Variants in ANKH observed in about 807,000 individuals in gnomAD.
ANKH encodes the protein ANKH inorganic pyrophosphate transport regulator, also known as mineralization regulator ANKH.
In ANKH, 15 loss-of-function variants were observed where a neutral mutation model predicts 49.0. That is an observed-to-expected ratio of 0.31 (90% CI 0.20 to 0.47). The LOEUF is 0.47. Ranked by LOEUF, ANKH falls within the 20% of genes least tolerant of loss-of-function variation. The probability of loss-of-function intolerance (pLI) is 1.00; values close to 1 mark genes in which losing one functional copy is unlikely to be tolerated. For synonymous variants in ANKH, 273 were observed against 260.0 expected (o/e 1.05, Z -0.48); for missense variants, 429 against 652.0 (o/e 0.66, Z 3.72).
At chr5:14,831,837 C>T (rs758271054) in intron 1 of ANKH, among the ~76,000 whole-genome samples, 1 of 152,160 alleles carries the variant, frequency 6.6e-6, no homozygotes. Flanking sequence ...AGTTACCAAA[C>T]CATGGAGTAT....
intron 8 of ANKH, among the ~76,000 whole-genome samples, chr5:14,724,397 T>C (rs777979856): frequency 2.6e-5 from 4 of 152,202 alleles, no homozygotes; most frequent in Non-Finnish European, 5.9e-5. Context: ...CGTCATTCTG[T>C]GTTGGGGCAG....
intron 8 of ANKH, among the ~76,000 whole-genome samples, chr5:14,720,091 A>G (rs1737612898): frequency 6.6e-6 from 1 of 152,052 alleles, no homozygotes; most frequent in South Asian, 2.1e-4. Context: ...TCTATTTACT[A>G]TGTCATGTTG....
At chr5:14,851,297 A>C (rs1272947913) in intron 1 of ANKH, among the ~76,000 whole-genome samples, 2 of 151,940 alleles carry the variant, frequency 1.3e-5, no homozygotes, top group Non-Finnish European at 1.5e-5. Context: ...CCAAGACTGG[A>C]CTCCGCCTTC....
At chr5:14,728,381 C>T (rs1011318987) in intron 8 of ANKH, among the ~76,000 whole-genome samples, 7 of 152,248 alleles carry the variant, frequency 4.6e-5, no homozygotes, top group African/African-American at 1.7e-4. Context: ...CTAAACTGTT[C>T]AGGCCCAAGG....
At position 14,767,322 on chromosome 5, in the gene ANKH, A is replaced by G. The variant is rs927224506; in HGVS notation, c.313+1653T>C. On this transcript the variant is annotated intron_variant, in intron 2 of 11. Transcript: ENST00000284268. ...GGAGGCCAACACTCTAGAAAAGGGTACATCATTAAGATCTGATTTTCAGAT... is the reference window on the plus strand; with the variant it reads ...GGAGGCCAACACTCTAGAAAAGGGTGCATCATTAAGATCTGATTTTCAGAT... 3.3e-5 allele frequency among the ~76,000 whole-genome samples: 5 copies of G among 152,242 alleles called. 1 individual carries two copies. Among genetic ancestry groups the G allele is most frequent in the South Asian group, 4.1e-4 (2 of 4,838 alleles).
chr5:14,842,280 C>T (rs1209522954), intron 1 of ANKH, among the ~76,000 whole-genome samples: 1 of 152,098 alleles, frequency 6.6e-6, no homozygotes, highest in Non-Finnish European at 1.5e-5. Flanking sequence ...TCTGCACCTG[C>T]GGGGCCTGGA....
At chr5:14,869,633 C>T (rs1205181623) in intron 1 of ANKH, 1 of 152,230 alleles carries the variant, frequency 6.6e-6, no homozygotes, top group East Asian at 1.9e-4. Context: ...TATGTTTAAC[C>T]TCCCTTTTGT....
At chr5:14,724,426 A>G (rs1454507735) in intron 8 of ANKH, 1 of 391,192 alleles carries the variant, frequency 2.6e-6, no homozygotes, top group Non-Finnish European at 3.5e-6. Flanking sequence ...TTTTATTTCT[A>G]AATCTGTGTA....
At chr5:14,798,145 G>T in intron 1 of ANKH, 1 of 1,551,164 alleles carries the variant, frequency 6.4e-7, no homozygotes, top group Non-Finnish European at 8.9e-7. Flanking sequence ...TCATCAGGCA[G>T]CTGCACACTG....
rs1285405656 is a variant in ANKH at position 14,704,893 on chromosome 5, A to G, written c.*6304T>C. The G allele has an allele frequency of 6.6e-6, 1 of 152,246 alleles. No homozygotes were observed. The highest frequency in any genetic ancestry group is 6.5e-5 in the Admixed American group (1 of 15,288). The allele number at this position is 152,246 out of a possible 1,614,324, so 9.4% of individuals were successfully genotyped here. On this transcript the variant is annotated 3_prime_UTR_variant, in exon 12 of 12. Transcript: ENST00000284268. ...TATGAATACAAATCCATAAACCCTGAAACAAAGCATATATAAATGCTCTTA... is the reference window on the plus strand; with the variant it reads ...TATGAATACAAATCCATAAACCCTGGAACAAAGCATATATAAATGCTCTTA...
In ANKH at chr5:14,770,645, G is replaced by A. The variant is rs977895781; in HGVS notation, c.97-1454C>T. On this transcript the variant is annotated intron_variant, in intron 1 of 11. Transcript: ENST00000284268. The surrounding 1 kb of genome is among the most constrained non-coding windows in gnomAD (Gnocchi z 4.1). The stretch of plus-strand genomic sequence containing the variant: ...GGTGAGAGATTTCATTACACTACTC[G>A]GAATGGCATGCAATTTAAAACTTAT... Among the ~76,000 whole-genome samples the A allele has an allele frequency of 6.6e-6, 1 of 152,064 alleles. No individual in the cohort carries two copies. The highest frequency in any genetic ancestry group is 1.5e-5 in the Non-Finnish European group (1 of 68,020).
intron 6 of ANKH, among the ~76,000 whole-genome samples, chr5:14,748,810 C>T (rs1283190615): frequency 6.6e-6 from 1 of 152,220 alleles, no homozygotes; most frequent in Non-Finnish European, 1.5e-5. Flanking sequence ...GGTGAAGAGG[C>T]CAGTGCTGAT....
At chr5:14,820,318 T>C (rs1480462367) in intron 1 of ANKH, among the ~76,000 whole-genome samples, 1 of 152,180 alleles carries the variant, frequency 6.6e-6, no homozygotes, top group African/African-American at 2.4e-5. Context: ...AAAGTGCTAA[T>C]ACAGGGGCTT....
chr5:14,785,887 T>TA (rs949756940), intron 1 of ANKH, among the ~76,000 whole-genome samples: 3 of 149,448 alleles, frequency 2.0e-5, no homozygotes, highest in African/African-American at 4.9e-5. Context: ...CTACTAAAAA[T>TA]AAAAAAAAAT....
chr5:14,716,350 G>C (rs1737458092), intron 9 of ANKH, among the ~76,000 whole-genome samples: 2 of 152,136 alleles, frequency 1.3e-5, no homozygotes, highest in South Asian at 4.1e-4. Flanking sequence ...AAAATTAGTT[G>C]GGTATGGTGG....
Position 14,799,561 on chromosome 5 carries a change from A to G in ANKH, c.97-30370T>C, listed in dbSNP as rs553156441. ...CTTAAGCTGACGCCAATGCTCATTT[A>G]CCATTCAGAAAGTCCTCAGGTCCTT... On this transcript the variant is annotated intron_variant, in intron 1 of 11. Coordinates refer to ENST00000284268, the MANE Select transcript of ANKH (RefSeq NM_054027.6). Among the ~76,000 whole-genome samples the G allele has an allele frequency of 4.6e-5, 7 of 152,322 alleles. No homozygotes were observed. The South Asian group carries it at 1.2e-3, about 27-fold the overall frequency.
In ANKH at chr5:14,796,179, T is replaced by A. The variant is rs569890604; in HGVS notation, c.97-26988A>T. Among the ~76,000 whole-genome samples the A allele has an allele frequency of 4.6e-5, 7 of 151,912 alleles. 1 individual carries two copies. Among genetic ancestry groups the A allele is most frequent in the African/African-American group, 1.4e-4 (6 of 41,488 alleles). Reference sequence around the variant, plus strand: ...TGCATTGCAAATGTGTTTTTTTTTTTAATGTAGAAAAGCAATTTATTCCAT... The same window carrying A: ...TGCATTGCAAATGTGTTTTTTTTTTAAATGTAGAAAAGCAATTTATTCCAT... On this transcript the variant is annotated intron_variant, in intron 1 of 11. Transcript: ENST00000284268.
chr5:14,781,302 C>T (rs753606394), intron 1 of ANKH, among the ~76,000 whole-genome samples: 3 of 152,188 alleles, frequency 2.0e-5, no homozygotes, highest in Non-Finnish European at 4.4e-5. Context: ...AGCAGTCAAA[C>T]GGAACCTGGT....
intron 1 of ANKH, among the ~76,000 whole-genome samples, chr5:14,841,937 A>G (rs1324432562): frequency 2.0e-5 from 3 of 152,224 alleles, no homozygotes; most frequent in Non-Finnish European, 4.4e-5. Context: ...CCAAAATCCT[A>G]GAATTCCAGA....
Sources: allele counts gnomAD v4.1 joint callset (sites outside exome capture counted in the v4.1 genomes callset), GRCh38; gene constraint gnomAD v4.1.1; non-coding constraint Gnocchi (gnomAD v3.1); transcripts MANE v1.5; gene names NCBI Gene and HGNC (gene_info 2026-07-23, HGNC 2026-07-21).